Variants in USP24 observed in about 807,000 individuals in gnomAD.
USP24 encodes the protein ubiquitin specific peptidase 24.
Under a neutral mutation model 361.6 loss-of-function variants are expected in USP24, and 97 were observed. The ratio of observed to expected loss-of-function variants is 0.27; its 90% CI spans 0.23 to 0.32. USP24 has a LOEUF of 0.32. Ranked by LOEUF, USP24 falls within the 10% of genes least tolerant of loss-of-function variation. The pLI, the probability that USP24 is intolerant of heterozygous loss-of-function variation, is 1.00. For synonymous variants in USP24, 1,098 were observed against 1,124.6 expected (o/e 0.98, Z 0.47); for missense variants, 2,353 against 3,165.6 (o/e 0.74, Z 6.16).
chr1:55,089,824 C>T (rs1645335605), intron 54 of USP24, 84 bp from the exon 55 acceptor site: 1 of 898,370 alleles, frequency 1.1e-6, no homozygotes, highest in Non-Finnish European at 1.7e-6. Flanking sequence ...TGGTTCTTAT[C>T]CTTTCTATCT....
chr1:55,172,535 A>C lies in USP24; in HGVS notation c.559-15T>G. On this transcript the variant is annotated splice_polypyrimidine_tract_variant and intron_variant, in intron 3 of 67. Transcript: ENST00000294383. ...GATGTCAGGAGCTATAAAAACATAA[A>C]GGGCAATCTAGAGTCTAACTTGAAA... 6.2e-7 allele frequency: 1 copy of C among 1,602,594 alleles called. No individual in the cohort carries two copies. The highest frequency in any genetic ancestry group is 8.5e-7 in the Non-Finnish European group (1 of 1,175,264).
rs766966211 is a variant in USP24 at position 55,097,552 on chromosome 1, G to A, written c.5715+46C>T. 5.3e-6 allele frequency: 8 copies of A among 1,520,730 alleles called. 1 individual carries two copies. Among genetic ancestry groups the A allele is most frequent in the South Asian group, 2.6e-5 (2 of 77,438 alleles). The allele number at this position is 1,520,730 out of a possible 1,614,324, so 94.2% of individuals were successfully genotyped here. ...AAAAAGGAAAAAAAAAGAAGTGAGTGAGGAAATGAATGGTTGTGAAAAATT... is the reference window on the plus strand; with the variant it reads ...AAAAAGGAAAAAAAAAGAAGTGAGTAAGGAAATGAATGGTTGTGAAAAATT... On this transcript the variant is annotated intron_variant, in intron 48 of 67. Transcript: ENST00000294383.
chr1:55,086,268 T>C (rs1264757390), intron 55 of USP24: 2 of 567,502 alleles, frequency 3.5e-6, no homozygotes, highest in African/African-American at 3.7e-5. Flanking sequence ...TAAGACTCTA[T>C]GTGGCAACTA....
At chr1:55,092,375 C>T (rs1222487034) in intron 53 of USP24, among the ~76,000 whole-genome samples, 1 of 152,198 alleles carries the variant, frequency 6.6e-6, no homozygotes, top group Non-Finnish European at 1.5e-5. Context: ...AGTTGTTAGA[C>T]CGCAGGATGT....
At chr1:55,177,490 C>T (rs1196018281) in intron 2 of USP24, among the ~76,000 whole-genome samples, 1 of 151,598 alleles carries the variant, frequency 6.6e-6, no homozygotes, top group African/African-American at 2.4e-5. Context: ...TAACTGAATT[C>T]AATATGAAAA....
At chr1:55,160,819 A>G (rs544235534) in intron 8 of USP24, among the ~76,000 whole-genome samples, 1 of 152,308 alleles carries the variant, frequency 6.6e-6, no homozygotes, top group African/African-American at 2.4e-5. Flanking sequence ...ATGTGTTTAA[A>G]ACCCAATCCT....
intron 28 of USP24, among the ~76,000 whole-genome samples, chr1:55,136,126 G>C (rs1646728035): frequency 6.6e-6 from 1 of 152,016 alleles, no homozygotes; most frequent in African/African-American, 2.4e-5. Flanking sequence ...AGAAATACAG[G>C]GGTAGGAAAG....
chr1:55,095,241 G>A lies in USP24; in HGVS notation c.6203+14C>T. The A allele has an allele frequency of 6.2e-7, 1 of 1,612,438 alleles. No individual in the cohort carries two copies. Among genetic ancestry groups the A allele is most frequent in the Non-Finnish European group, 8.5e-7 (1 of 1,179,216 alleles). ...TAGAAATCACACAGCAAATTACATG[G>A]AAGAGACACTTACAGAGAGAGATCC... is the stretch of plus-strand genomic sequence containing the variant. On this transcript the variant is annotated intron_variant, in intron 51 of 67. Coordinates refer to ENST00000294383, the MANE Select transcript of USP24 (RefSeq NM_015306.3).
At chr1:55,167,640 G>A (rs889092116) in intron 5 of USP24, among the ~76,000 whole-genome samples, 1 of 152,184 alleles carries the variant, frequency 6.6e-6, no homozygotes, top group Non-Finnish European at 1.5e-5. Flanking sequence ...CGCCAGTGCA[G>A]TGTCTAGATA....
chr1:55,099,538 A>G lies in USP24; in HGVS notation c.5370+233T>C, dbSNP rs182381016. Among the ~76,000 whole-genome samples, 1,150 of 152,260 alleles carry G rather than the reference A, an allele frequency of 7.6e-3. 11 individuals carry two copies. The highest frequency in any genetic ancestry group is 0.027 in the African/African-American group (1,115 of 41,532). ...GTGCCACTGCACTCCACTCTGGGTGACAGAGCGAGACTCTGTCTCAAAAAA... is the reference window on the plus strand; with the variant it reads ...GTGCCACTGCACTCCACTCTGGGTGGCAGAGCGAGACTCTGTCTCAAAAAA... On this transcript the variant is annotated intron_variant, in intron 45 of 67. Transcript: ENST00000294383.
intron 38 of USP24, among the ~76,000 whole-genome samples, chr1:55,119,266 C>T (rs147648002): frequency 6.6e-6 from 1 of 152,248 alleles, no homozygotes; most frequent in African/African-American, 2.4e-5. Flanking sequence ...ATTCATGCTA[C>T]AACATGAATA....
chr1:55,136,653 G>A lies in USP24; in HGVS notation c.3201+862C>T, dbSNP rs144542727. On this transcript the variant is annotated intron_variant, in intron 28 of 67. Transcript: ENST00000294383. ...TTCTGAAGGTGGAGTCAAGAATTTG[G>A]TCATGGACACGGGTGTGAAAGAAGG... Among the ~76,000 whole-genome samples the A allele has an allele frequency of 5.9e-5, 9 of 152,288 alleles. No homozygotes were observed. The East Asian group carries it at 1.7e-3, about 29-fold the overall frequency.
chr1:55,113,940 G>C (rs1035427883), intron 38 of USP24, among the ~76,000 whole-genome samples: 1 of 152,124 alleles, frequency 6.6e-6, no homozygotes. Flanking sequence ...GAAATAAAGG[G>C]TATTCAGATA....
Position 55,142,234 on chromosome 1 carries a change from C to T in USP24, c.2635-503G>A, listed in dbSNP as rs116768451. Among the ~76,000 whole-genome samples, 764 of 152,182 alleles carry T rather than the reference C, an allele frequency of 5.0e-3. 7 individuals carry two copies. The highest frequency in any genetic ancestry group is 0.018 in the African/African-American group (735 of 41,536). On this transcript the variant is annotated intron_variant, in intron 23 of 67. Transcript: ENST00000294383. ...AATGTTTAAGGCTTTAACCGTCATG[C>T]TGGAAATAAAAGAGATACATGTGAG... is the stretch of plus-strand genomic sequence containing the variant.
Position 55,083,806 on chromosome 1 carries a change from T to G in USP24, c.6848A>C (p.Gln2283Pro). The change falls in exon 57 of 68, where the codon CAG (glutamine) becomes CCG (proline). Residue 2283 changes from glutamine to proline, a missense_variant. Gln to Pro is a moderately conservative substitution (Grantham distance 76). Around this residue, in one of 8 missense-constraint regions of USP24, gnomAD observed 598 missense variants for 761.9 expected, o/e 0.78. Transcript: ENST00000294383. The part of the protein sequence containing the change: ...DVPENCKNCA[Q>P]YFFLFNTFVQ... The stretch of plus-strand genomic sequence containing the variant: ...AAAAGTGTTGAACAGGAAAAAGTAC[T>G]GAGCACAGTTTTTACAATTTTCTGG... 6.2e-7 allele frequency: 1 copy of G among 1,602,676 alleles called. No individual in the cohort carries two copies. The highest frequency in any genetic ancestry group is 8.5e-7 in the Non-Finnish European group (1 of 1,174,126).
chr1:55,106,102 T>C (rs1645765553), intron 41 of USP24, 44 bp downstream of exon 41: 1 of 1,502,038 alleles, frequency 6.7e-7, no homozygotes, highest in Non-Finnish European at 9.2e-7. Flanking sequence ...AAGTTTCAAA[T>C]TAGAATTTTT....
At chr1:55,141,595 T>C (rs370969769) in intron 24 of USP24, 21 bp downstream of exon 24, 37 of 1,590,038 alleles carry the variant, frequency 2.3e-5, no homozygotes, top group Non-Finnish European at 3.0e-5. Context: ...TGTTGTGTAT[T>C]TTTCACTTCT....
intron 32 of USP24, among the ~76,000 whole-genome samples, chr1:55,128,761 G>A (rs1570481591): frequency 1.4e-5 from 2 of 147,938 alleles, no homozygotes; most frequent in Admixed American, 1.4e-4. Flanking sequence ...CGTTGCCAGG[G>A]TGGAGTGCAC....
chr1:55,127,489 C>T (rs1251974830), intron 32 of USP24, among the ~76,000 whole-genome samples: 1 of 152,100 alleles, frequency 6.6e-6, no homozygotes. Context: ...TGGATTGGTT[C>T]CAAGTCTTTG....
Sources: gnomAD v4.1 joint callset for allele counts (sites outside exome capture counted in the v4.1 genomes callset) on GRCh38, gnomAD v4.1.1 for gene constraint, gnomAD v4.1.1 regional missense constraint, MANE v1.5 for transcripts, NCBI Gene and HGNC (gene_info 2026-07-23, HGNC 2026-07-21) for gene names.